DOCK3: variants seen among roughly 807,000 people sequenced by gnomAD.
The protein encoded by DOCK3 is dedicator of cytokinesis protein 3.
DOCK3 carries 60 observed loss-of-function variants against 265.6 expected under a neutral mutation model. That is an observed-to-expected ratio of 0.23 (90% confidence interval 0.18 to 0.28). The LOEUF is 0.28. Ranked by LOEUF, DOCK3 falls within the 10% of genes least tolerant of loss-of-function variation. DOCK3 has a pLI of 1.00. For synonymous variants in DOCK3, 881 were observed against 938.0 expected (o/e 0.94, Z 1.11); for missense variants, 1,981 against 2,594.3 (o/e 0.76, Z 5.14).
chr3:51,090,437 A>G, intron 9 of DOCK3, 53 bp downstream of exon 9: 2 of 1,521,468 alleles, frequency 1.3e-6, no homozygotes, highest in South Asian at 1.3e-5. Flanking sequence ...GGTATGGGTC[A>G]TAGGCATCTC....
intron 4 of DOCK3, among the ~76,000 whole-genome samples, chr3:50,930,344 C>G (rs150072155): frequency 1.5e-4 from 23 of 152,350 alleles, no homozygotes; most frequent in African/African-American, 5.1e-4. Context: ...AGGTCCAGAT[C>G]CACAGCCCCC....
intron 27 of DOCK3, among the ~76,000 whole-genome samples, chr3:51,287,758 T>C (rs1450646321): frequency 1.3e-5 from 2 of 152,112 alleles, no homozygotes; most frequent in Non-Finnish European, 2.9e-5. Flanking sequence ...GAACTACCAT[T>C]CAACCCAGCA....
chr3:50,954,766 T>A (rs2076684995), intron 5 of DOCK3, among the ~76,000 whole-genome samples: 1 of 152,226 alleles, frequency 6.6e-6, no homozygotes, highest in Admixed American at 6.5e-5. Flanking sequence ...TCTCCCAATC[T>A]ATAGGTTGTC....
intron 5 of DOCK3, among the ~76,000 whole-genome samples, chr3:51,036,164 A>C (rs1359378553): frequency 6.6e-6 from 1 of 152,228 alleles, no homozygotes; most frequent in African/African-American, 2.4e-5. Flanking sequence ...TTCAGTCTTC[A>C]GAACTCTCAT....
rs746477255 is a variant in DOCK3 at position 50,922,496 on chromosome 3, C to T, written c.219-11485C>T. Reference sequence around the variant, plus strand: ...GGAAAGGGAATTCCCCGACCCCTTGCGCTTCCCACGTGGGGCAATGCCCCG... The same window carrying T: ...GGAAAGGGAATTCCCCGACCCCTTGTGCTTCCCACGTGGGGCAATGCCCCG... On this transcript the variant is annotated intron_variant, in intron 4 of 52. Coordinates refer to ENST00000266037, the MANE Select transcript of DOCK3 (RefSeq NM_004947.5). Among the ~76,000 whole-genome samples, 37 of 152,240 alleles carry T rather than the reference C, an allele frequency of 2.4e-4. 1 individual carries two copies. The highest frequency in any genetic ancestry group is 2.2e-3 in the Admixed American group (33 of 15,288).
At position 51,350,339 on chromosome 3, in the gene DOCK3, C is replaced by A; in HGVS notation, c.4054C>A (p.Pro1352Thr). 6.2e-7 allele frequency: 1 copy of A among 1,611,884 alleles called. No individual in the cohort carries two copies. Among genetic ancestry groups the A allele is most frequent in the Non-Finnish European group, 8.5e-7 (1 of 1,179,322 alleles). ...DNIMEQQRLE[P>T]EFFRVGFYGR... ...CATTATGGAGCAGCAACGCCTGGAG[C>A]CTGAGTTCTTTCGGGTCGGCTTCTA... The change falls in exon 40 of 53, where the codon CCT (proline) becomes ACT (threonine). Residue 1352 changes from proline (P) to threonine (T), a missense_variant. Transcript: ENST00000266037.
intron 5 of DOCK3, among the ~76,000 whole-genome samples, chr3:50,951,810 A>C (rs2076599945): frequency 6.6e-6 from 1 of 152,182 alleles, no homozygotes; most frequent in African/African-American, 2.4e-5. Flanking sequence ...AATAATACAT[A>C]AGACCTCACT....
intron 2 of DOCK3, among the ~76,000 whole-genome samples, chr3:50,807,703 A>G (rs889309949): frequency 6.6e-6 from 1 of 152,224 alleles, no homozygotes; most frequent in Non-Finnish European, 1.5e-5. Flanking sequence ...ATCTGTAGAA[A>G]ATATTGAGAA....
chr3:50,714,872 T>G (rs1436559632), intron 1 of DOCK3, among the ~76,000 whole-genome samples: 1 of 152,246 alleles, frequency 6.6e-6, no homozygotes, highest in East Asian at 1.9e-4. Flanking sequence ...TTACTCCTTT[T>G]CACCCATTTT....
At chr3:50,726,891 A>C (rs980438434) in intron 1 of DOCK3, among the ~76,000 whole-genome samples, 1 of 152,202 alleles carries the variant, frequency 6.6e-6, no homozygotes. Context: ...TGTGTAGCCT[A>C]TTCACAGGGG....
At chr3:51,019,083 C>T (rs992301209) in intron 5 of DOCK3, among the ~76,000 whole-genome samples, 1 of 151,712 alleles carries the variant, frequency 6.6e-6, no homozygotes, top group African/African-American at 2.4e-5. Context: ...TGCTATGTTG[C>T]CTAGGCTGTC....
chr3:51,134,587 T>C (rs969033361), intron 9 of DOCK3, among the ~76,000 whole-genome samples: 3 of 152,170 alleles, frequency 2.0e-5, no homozygotes, highest in African/African-American at 7.2e-5. Flanking sequence ...GTACATGGCA[T>C]AGACTTTCTA....
intron 31 of DOCK3, among the ~76,000 whole-genome samples, chr3:51,313,627 G>A (rs886102431): frequency 2.0e-5 from 3 of 152,186 alleles, no homozygotes; most frequent in Admixed American, 6.5e-5. Context: ...TTCAAGTGAA[G>A]TCTGCTTTCA....
chr3:51,098,953 T>C (rs762685876), intron 9 of DOCK3, among the ~76,000 whole-genome samples: 3 of 152,244 alleles, frequency 2.0e-5, no homozygotes, highest in Non-Finnish European at 2.9e-5. Context: ...TTTCTTTCTC[T>C]TTCTCACACA....
At chr3:51,358,597 TTA>T (rs1296260520) in intron 46 of DOCK3, among the ~76,000 whole-genome samples, 4 of 152,156 alleles carry the variant, frequency 2.6e-5, no homozygotes, top group Non-Finnish European at 5.9e-5. Flanking sequence ...TCCCTCCCTC[TTA>T]TTCCCAGCTT....
intron 12 of DOCK3, among the ~76,000 whole-genome samples, chr3:51,185,126 A>G (rs1477651686): frequency 6.6e-6 from 1 of 152,242 alleles, no homozygotes; most frequent in African/African-American, 2.4e-5. Context: ...TGGTACCTGG[A>G]TGAGATCTTG....
chr3:50,742,987 G>A (rs373361034), intron 1 of DOCK3, among the ~76,000 whole-genome samples: 7 of 152,238 alleles, frequency 4.6e-5, no homozygotes, highest in East Asian at 1.9e-4. Flanking sequence ...GACTAACAGC[G>A]GATCTCTCGG....
intron 40 of DOCK3, among the ~76,000 whole-genome samples, chr3:51,351,706 G>A (rs1273636963): frequency 1.3e-5 from 2 of 150,122 alleles, no homozygotes; most frequent in Non-Finnish European, 3.0e-5. Context: ...GCCCAGGCTG[G>A]AGTACAATGG....
chr3:50,724,699 TG>T (rs1228994048), intron 1 of DOCK3, among the ~76,000 whole-genome samples: 1 of 123,556 alleles, frequency 8.1e-6, no homozygotes, highest in African/African-American at 3.1e-5. Context: ...GATGGGGGTC[TG>T]GGGGAGGGAT....
Sources: allele counts gnomAD v4.1 joint callset (sites outside exome capture counted in the v4.1 genomes callset), GRCh38; gene constraint gnomAD v4.1.1; transcripts MANE v1.5; gene names NCBI Gene and HGNC (gene_info 2026-07-23, HGNC 2026-07-21).